Variants in RGL1 observed in about 807,000 individuals in gnomAD.
The protein encoded by RGL1 is ral guanine nucleotide dissociation stimulator-like 1.
Under a neutral mutation model 95.2 loss-of-function variants are expected in RGL1, and 24 were observed. That is an observed-to-expected ratio of 0.25 (90% confidence interval 0.18 to 0.35). The LOEUF (loss-of-function observed/expected upper bound fraction) is 0.35, where lower values mean the gene tolerates loss of function less well. RGL1 is among the 10% of genes least tolerant of loss of function. RGL1 has a pLI of 1.00. For missense variants in RGL1, 715 were observed against 936.3 expected (o/e 0.76, Z 3.08); for synonymous variants, 329 against 344.9 (o/e 0.95, Z 0.51).
chr1:183,693,054 A>T (rs1276096395), intron 1 of RGL1, among the ~76,000 whole-genome samples: 1 of 151,710 alleles, frequency 6.6e-6, no homozygotes, highest in Non-Finnish European at 1.5e-5. Context: ...TCCGAGGTTC[A>T]AGCAATTCTT....
At chr1:183,761,636 G>T (rs1376276874) in intron 2 of RGL1, among the ~76,000 whole-genome samples, 1 of 152,196 alleles carries the variant, frequency 6.6e-6, no homozygotes, top group African/African-American at 2.4e-5. Context: ...AAAGTAAGCA[G>T]CTGCATTAGC....
chr1:183,755,367 A>G (rs537046549), intron 2 of RGL1, among the ~76,000 whole-genome samples: 16 of 152,308 alleles, frequency 1.1e-4, no homozygotes, highest in Admixed American at 9.2e-4. Flanking sequence ...TTCATTTTCA[A>G]TGTAGTGATT....
intron 3 of RGL1, among the ~76,000 whole-genome samples, chr1:183,861,502 C>T (rs1171786126): frequency 6.6e-6 from 1 of 152,214 alleles, no homozygotes. Context: ...ACCAGTTAAA[C>T]ATTGTACTGG....
chr1:183,842,542 C>G (rs994793638), intron 2 of RGL1, among the ~76,000 whole-genome samples: 1 of 151,980 alleles, frequency 6.6e-6, no homozygotes, highest in Non-Finnish European at 1.5e-5. Context: ...AGATATTTAC[C>G]CCATAGGACT....
intron 3 of RGL1, among the ~76,000 whole-genome samples, chr1:183,863,892 GTCTT>G (rs1410000286): frequency 2.0e-5 from 3 of 152,160 alleles, no homozygotes; most frequent in Non-Finnish European, 4.4e-5. Flanking sequence ...TACTTCTGTG[GTCTT>G]CTGAGCCATT....
chr1:183,822,586 C>T (rs952433425), intron 2 of RGL1, among the ~76,000 whole-genome samples: 7 of 152,130 alleles, frequency 4.6e-5, no homozygotes, highest in South Asian at 2.1e-4. Context: ...ACTAAAAGAT[C>T]GTCAAGGTCC....
At chr1:183,890,492 A>G (rs1667353748) in intron 8 of RGL1, among the ~76,000 whole-genome samples, 1 of 152,210 alleles carries the variant, frequency 6.6e-6, no homozygotes. Flanking sequence ...TAGCAAGGAC[A>G]CTACAGAAGT....
At chr1:183,695,478 G>A (rs1411022606) in intron 1 of RGL1, among the ~76,000 whole-genome samples, 1 of 152,196 alleles carries the variant, frequency 6.6e-6, no homozygotes, top group Admixed American at 6.5e-5. Context: ...GAGAATTTAT[G>A]TGATTTGTAC....
At chr1:183,659,861 G>T (rs891562270) in intron 1 of RGL1, among the ~76,000 whole-genome samples, 1 of 150,468 alleles carries the variant, frequency 6.6e-6, no homozygotes, top group African/African-American at 2.5e-5. Context: ...TGGATCTCTC[G>T]GCAGAAACTC....
chr1:183,778,836 G>A (rs1659731110), intron 2 of RGL1, among the ~76,000 whole-genome samples: 1 of 152,116 alleles, frequency 6.6e-6, no homozygotes, highest in Non-Finnish European at 1.5e-5. Context: ...CATCCTTTAG[G>A]GAATTGTCTG....
At chr1:183,862,057 G>A (rs1665542195) in intron 3 of RGL1, among the ~76,000 whole-genome samples, 1 of 152,136 alleles carries the variant, frequency 6.6e-6, no homozygotes, top group South Asian at 2.1e-4. Context: ...AAGGTGCAGG[G>A]ATGGCCTGGC....
chr1:183,702,997 C>G (rs1654692754), intron 1 of RGL1, among the ~76,000 whole-genome samples: 1 of 152,150 alleles, frequency 6.6e-6, no homozygotes, highest in Non-Finnish European at 1.5e-5. Context: ...AGCAGTACCT[C>G]TCTCGGTCTT....
chr1:183,791,640 A>T (rs1274303736), intron 2 of RGL1, among the ~76,000 whole-genome samples: 1 of 152,352 alleles, frequency 6.6e-6, no homozygotes, highest in East Asian at 1.9e-4. Context: ...ATAATTTTTT[A>T]AAACTTTTCT....
chr1:183,798,503 TTTA>T (rs576326060), intron 2 of RGL1, among the ~76,000 whole-genome samples: 103 of 152,110 alleles, frequency 6.8e-4, no homozygotes, highest in Middle Eastern at 3.4e-3. Context: ...TCCTTCCTCC[TTTA>T]TTATTATTAT....
chr1:183,791,097 C>T (rs1431025073), intron 2 of RGL1, among the ~76,000 whole-genome samples: 2 of 152,138 alleles, frequency 1.3e-5, no homozygotes, highest in Non-Finnish European at 2.9e-5. Context: ...TCCCCCTCCC[C>T]AAACTAAACA....
chr1:183,706,014 G>A (rs1224938329), intron 1 of RGL1, among the ~76,000 whole-genome samples: 2 of 152,086 alleles, frequency 1.3e-5, no homozygotes, highest in Non-Finnish European at 2.9e-5. Context: ...CAAACAGTGG[G>A]GTTAACTATG....
At chr1:183,903,486 A>G (rs1435513393) in intron 12 of RGL1, among the ~76,000 whole-genome samples, 2 of 152,200 alleles carry the variant, frequency 1.3e-5, no homozygotes, top group Non-Finnish European at 2.9e-5. Context: ...GCAAAATAAT[A>G]ACTTCACCCT....
chr1:183,867,024 C>T (rs1049549504), intron 4 of RGL1, among the ~76,000 whole-genome samples: 1 of 152,132 alleles, frequency 6.6e-6, no homozygotes, highest in Admixed American at 6.5e-5. Flanking sequence ...AGCGGAGAGA[C>T]AGAACCTTGG....
chr1:183,925,327 C>A (rs1669555505), intron 17 of RGL1, among the ~76,000 whole-genome samples: 2 of 152,054 alleles, frequency 1.3e-5, no homozygotes, highest in South Asian at 4.1e-4. Flanking sequence ...CACACTGGGG[C>A]CTGTCAGGGG....
Sources: gnomAD v4.1 joint callset for allele counts (sites outside exome capture counted in the v4.1 genomes callset) on GRCh38, gnomAD v4.1.1 for gene constraint, MANE v1.5 for transcripts, NCBI Gene and HGNC (gene_info 2026-07-23, HGNC 2026-07-21) for gene names.